TMEM236: variants seen among roughly 807,000 people sequenced by gnomAD.
TMEM236 encodes family with sequence similarity 23, member A.
In TMEM236, 11 loss-of-function variants were observed where a neutral mutation model predicts 14.7. The ratio of observed to expected loss-of-function variants is 0.75; its 90% CI spans 0.47 to 1.24. The LOEUF is 1.24. Among genes scored for constraint, TMEM236 ranks in the 50% most tolerant of loss-of-function variants. The pLI, the probability that TMEM236 is intolerant of heterozygous loss-of-function variation, is 0.00. For missense variants in TMEM236, 464 were observed against 427.3 expected (o/e 1.09, Z -0.76); for synonymous variants, 182 against 168.6 (o/e 1.08, Z -0.62).
chr10:17,781,964 C>A (rs2036153013), intron 3 of TMEM236, among the ~76,000 whole-genome samples: 1 of 152,062 alleles, frequency 6.6e-6, no homozygotes, highest in Non-Finnish European at 1.5e-5. Flanking sequence ...TGTAACCGCA[C>A]CTGTTTCTAG....
At chr10:17,767,767 T>G (rs1837492319) in intron 1 of TMEM236, among the ~76,000 whole-genome samples, 1 of 152,206 alleles carries the variant, frequency 6.6e-6, no homozygotes, top group African/African-American at 2.4e-5. Context: ...GTAACTTTAT[T>G]ACATAGAGCT....
chr10:17,796,092 C>T lies in TMEM236; in HGVS notation c.644C>T (p.Pro215Leu). ...TRSQESVFMG[P>L]QEPSCDSGIL... ...AGCCAGGAGTCTGTGTTCATGGGACCCCAGGAGCCCTCCTGTGACTCCGGA... is the reference window on the plus strand; with the variant it reads ...AGCCAGGAGTCTGTGTTCATGGGACTCCAGGAGCCCTCCTGTGACTCCGGA... The change falls in exon 4 of 4, where the codon CCC (proline) becomes CTC (leucine). Residue 215 changes from proline (P) to leucine (L), a missense_variant. Transcript: ENST00000377495. 1 of 1,613,788 alleles carries T rather than the reference C, an allele frequency of 6.2e-7. No homozygotes were observed. Among genetic ancestry groups the T allele is most frequent in the Non-Finnish European group, 8.5e-7 (1 of 1,179,844 alleles).
chr10:17,752,350 G>A lies in TMEM236; in HGVS notation c.55G>A (p.Ala19Thr), dbSNP rs1017241917. 12 of 1,613,772 alleles carry A rather than the reference G, an allele frequency of 7.4e-6. No individual in the cohort carries two copies. The highest frequency in any genetic ancestry group is 5.0e-5 in the Admixed American group (3 of 59,990). The change falls in exon 1 of 4, where the codon GCT (alanine) becomes ACT (threonine). Residue 19 changes from alanine (A) to threonine (T), a missense_variant. By Grantham distance (58) the Ala-to-Thr change is moderately conservative. Transcript: ENST00000377495. ...GGTTTTTGAGCTCCTAGAGTTTGCC[G>A]CTTTCTCCATCCCCACACTCGTGAT... The part of the protein sequence containing the change: ...FVVFELLEFA[A>T]FSIPTLVITE...
intron 1 of TMEM236, among the ~76,000 whole-genome samples, chr10:17,753,402 G>C (rs951129650): frequency 6.6e-6 from 1 of 151,976 alleles, no homozygotes; most frequent in Admixed American, 6.6e-5. Context: ...CCCTCCCACC[G>C]TTCACCCTCT....
Position 17,771,326 on chromosome 10 carries a change from T to A in TMEM236, c.275T>A (p.Met92Lys), listed in dbSNP as rs1554834801. 2 of 1,613,808 alleles carry A rather than the reference T, an allele frequency of 1.2e-6. No homozygotes were observed. Among genetic ancestry groups the A allele is most frequent in the African/African-American group, 2.7e-5 (2 of 74,936 alleles). Residue 92 changes from methionine (M) to lysine (K), a missense_variant, in exon 2 of 4, where the codon ATG (methionine) becomes AAG (lysine). Coordinates refer to ENST00000377495, the MANE Select transcript of TMEM236 (RefSeq NM_001098844.3). ...KIKGWRPVLMMCVVLTTLPCL... is the reference protein window; with the variant it reads ...KIKGWRPVLMKCVVLTTLPCL... ...TTTGCTAGGAGACCTGTTCTGATGA[T>A]GTGTGTGGTCCTCACCACACTGCCC...
chr10:17,771,890 T>G (rs1316887964), intron 2 of TMEM236, among the ~76,000 whole-genome samples: 3 of 149,314 alleles, frequency 2.0e-5, no homozygotes, highest in Non-Finnish European at 4.5e-5. Flanking sequence ...CAGGAATATC[T>G]TAGGCAGAAC....
chr10:17,791,316 G>C (rs1053891297), intron 3 of TMEM236, among the ~76,000 whole-genome samples: 5 of 151,550 alleles, frequency 3.3e-5, no homozygotes, highest in Middle Eastern at 3.2e-3. Flanking sequence ...AAATTAGTCA[G>C]GTGTGGTGGT....
At chr10:17,783,414 T>C (rs1837786058) in intron 3 of TMEM236, among the ~76,000 whole-genome samples, 5 of 152,184 alleles carry the variant, frequency 3.3e-5, no homozygotes, top group Admixed American at 3.3e-4. Flanking sequence ...CTCAGCTCCC[T>C]GCAAAGGAGG....
At chr10:17,764,259 G>T (rs1023044371) in intron 1 of TMEM236, among the ~76,000 whole-genome samples, 1 of 152,178 alleles carries the variant, frequency 6.6e-6, no homozygotes, top group Non-Finnish European at 1.5e-5. Flanking sequence ...GTAACCCAAT[G>T]TGGCTGAGCT....
chr10:17,791,570 A>G (rs1837926386), intron 3 of TMEM236, among the ~76,000 whole-genome samples: 1 of 152,188 alleles, frequency 6.6e-6, no homozygotes. Context: ...CTTAATAGTC[A>G]CCAGCTCTTT....
At chr10:17,761,558 G>A (rs1837362967) in intron 1 of TMEM236, among the ~76,000 whole-genome samples, 1 of 152,036 alleles carries the variant, frequency 6.6e-6, no homozygotes, top group Non-Finnish European at 1.5e-5. Flanking sequence ...GCTGGGTGTG[G>A]TGGCTCATGC....
intron 3 of TMEM236, among the ~76,000 whole-genome samples, chr10:17,784,016 G>A (rs1251853460): frequency 6.6e-6 from 1 of 151,910 alleles, no homozygotes; most frequent in African/African-American, 2.4e-5. Context: ...TGTCATAGGT[G>A]TAGTGTATGT....
chr10:17,795,048 A>G (rs1057313718), intron 3 of TMEM236, among the ~76,000 whole-genome samples: 8 of 152,148 alleles, frequency 5.3e-5, no homozygotes, highest in Non-Finnish European at 1.0e-4. Flanking sequence ...ACAAACAAAC[A>G]AAAAACAATG....
chr10:17,770,361 T>A (rs569870730), intron 1 of TMEM236, among the ~76,000 whole-genome samples: 3,915 of 152,202 alleles, frequency 0.026, 184 homozygotes, highest in African/African-American at 0.09. Context: ...AAACATACAT[T>A]TAAATTTTCT....
chr10:17,785,973 G>A (rs1296712304), intron 3 of TMEM236, among the ~76,000 whole-genome samples: 1 of 152,018 alleles, frequency 6.6e-6, no homozygotes, highest in African/African-American at 2.4e-5. Flanking sequence ...GAGTGAGCCG[G>A]GTACCAACAG....
intron 1 of TMEM236, among the ~76,000 whole-genome samples, chr10:17,771,058 A>G (rs1045544914): frequency 1.6e-4 from 24 of 152,176 alleles, no homozygotes; most frequent in African/African-American, 5.5e-4. Flanking sequence ...TTGCGATTTG[A>G]TGCTTTTAAT....
At chr10:17,761,868 G>T (rs1837369978) in intron 1 of TMEM236, among the ~76,000 whole-genome samples, 1 of 152,096 alleles carries the variant, frequency 6.6e-6, no homozygotes, top group South Asian at 2.1e-4. Flanking sequence ...AAATACCTCT[G>T]ATTCTACAGA....
At chr10:17,755,112 T>C (rs900445891) in intron 1 of TMEM236, among the ~76,000 whole-genome samples, 2 of 151,486 alleles carry the variant, frequency 1.3e-5, no homozygotes, top group African/African-American at 2.4e-5. Flanking sequence ...CTAATGTTTT[T>C]TTTTTTTTTT....
intron 3 of TMEM236, among the ~76,000 whole-genome samples, chr10:17,784,970 T>C (rs1589150695): frequency 6.6e-6 from 1 of 152,112 alleles, no homozygotes; most frequent in Non-Finnish European, 1.5e-5. Context: ...GTGATTTTTT[T>C]CCTCACTGAG....
Sources: gnomAD v4.1 joint callset for allele counts (sites outside exome capture counted in the v4.1 genomes callset) on GRCh38, gnomAD v4.1.1 for gene constraint, MANE v1.5 for transcripts, NCBI Gene and HGNC (gene_info 2026-07-23, HGNC 2026-07-21) for gene names.